The following SGTB variants were observed in gnomAD, a reference collection of about 807,000 sequenced individuals.
SGTB encodes the protein small glutamine-rich tetratricopeptide repeat-containing protein beta.
Under a neutral mutation model 43.9 loss-of-function variants are expected in SGTB, and 19 were observed. The observed-to-expected ratio is 0.43, with a 90% CI of 0.30 to 0.63. SGTB has a LOEUF of 0.63. SGTB is among the 30% of genes least tolerant of loss of function. The probability of loss-of-function intolerance (pLI) is 0.12; values close to 1 mark genes in which losing one functional copy is unlikely to be tolerated. For missense variants in SGTB, 304 were observed against 358.9 expected (o/e 0.85, Z 1.24); for synonymous variants, 116 against 117.3 (o/e 0.99, Z 0.07).
chr5:65,720,650 C>G, intron 2 of SGTB, 58 bp downstream of exon 2: 1 of 1,567,040 alleles, frequency 6.4e-7, no homozygotes, highest in Non-Finnish European at 8.6e-7. Flanking sequence ...GGGCTTACAG[C>G]TATTTTAGTC....
chr5:65,681,589 G>C (rs1365939688), intron 6 of SGTB, among the ~76,000 whole-genome samples: 1 of 151,988 alleles, frequency 6.6e-6, no homozygotes, highest in Non-Finnish European at 1.5e-5. Flanking sequence ...TACTTTATCA[G>C]AGTCCCCAGT....
intron 2 of SGTB, among the ~76,000 whole-genome samples, chr5:65,715,412 T>G (rs949103812): frequency 6.6e-6 from 1 of 152,246 alleles, no homozygotes; most frequent in Admixed American, 6.5e-5. Context: ...AGTTTTCACA[T>G]GCTATGTACC....
rs546653296 is a variant in SGTB, at chr5:65,696,950, G to A, written c.374+7329C>T. On this transcript the variant is annotated intron_variant, in intron 5 of 10. Transcript: ENST00000381007. Reference sequence around the variant, plus strand: ...TCAGTTCTATAAAAAGTAAACATTAGTTCATCCTAGTGAGTTGAGTATGTA... The same window carrying A: ...TCAGTTCTATAAAAAGTAAACATTAATTCATCCTAGTGAGTTGAGTATGTA... 3.4e-3 allele frequency among the ~76,000 whole-genome samples: 523 copies of A among 152,260 alleles called. 4 individuals are homozygous for A. The highest frequency in any genetic ancestry group is 0.012 in the African/African-American group (478 of 41,544).
chr5:65,713,843 C>G (rs986498580), intron 2 of SGTB, among the ~76,000 whole-genome samples: 1 of 151,986 alleles, frequency 6.6e-6, no homozygotes, highest in African/African-American at 2.4e-5. Flanking sequence ...GCCTGGGTAA[C>G]ATGGCGAAAC....
chr5:65,697,179 T>C lies in SGTB; in HGVS notation c.374+7100A>G, dbSNP rs557244568. On this transcript the variant is annotated intron_variant, in intron 5 of 10. Coordinates refer to ENST00000381007, the MANE Select transcript of SGTB (RefSeq NM_019072.3). ...TGATCCTAAAGCTTTGTTTAGTACTTATATTAAATGTATAAAGTTTTCTGA... is the reference window on the plus strand; with the variant it reads ...TGATCCTAAAGCTTTGTTTAGTACTCATATTAAATGTATAAAGTTTTCTGA... 8.5e-5 allele frequency among the ~76,000 whole-genome samples: 13 copies of C among 152,318 alleles called. No individual in the cohort carries two copies. In the South Asian group the frequency reaches 2.7e-3, roughly 32 times the overall value.
At chr5:65,709,199 T>A (rs963593547) in intron 3 of SGTB, among the ~76,000 whole-genome samples, 3 of 152,024 alleles carry the variant, frequency 2.0e-5, no homozygotes, top group African/African-American at 7.2e-5. Context: ...TTAGTGAAAA[T>A]TTTGGAACAA....
chr5:65,692,374 T>G (rs1269727794), intron 5 of SGTB, among the ~76,000 whole-genome samples: 1 of 152,190 alleles, frequency 6.6e-6, no homozygotes, highest in Non-Finnish European at 1.5e-5. Flanking sequence ...ACAATAGATC[T>G]GGTGGTCATC....
At chr5:65,701,892 C>T in intron 5 of SGTB, among the ~76,000 whole-genome samples, 2 of 152,168 alleles carry the variant, frequency 1.3e-5, no homozygotes, top group Admixed American at 1.3e-4. Flanking sequence ...GTCGGCGTCC[C>T]AAAGTGCTGG....
rs116014459 is a variant in SGTB, at chr5:65,672,573, T to C, written c.682-292A>G. 2.2e-3 allele frequency among the ~76,000 whole-genome samples: 329 copies of C among 152,140 alleles called. 3 individuals are homozygous for C. Among genetic ancestry groups the C allele is most frequent in the African/African-American group, 7.8e-3 (325 of 41,510 alleles). The stretch of plus-strand genomic sequence containing the variant: ...AGACCAATTAAGCCAAAAGGAAAAA[T>C]AGGAACTTTAAAAGTATGGTTAAGG... On this transcript the variant is annotated intron_variant, in intron 8 of 10. Coordinates refer to ENST00000381007, the MANE Select transcript of SGTB (RefSeq NM_019072.3).
chr5:65,684,813 A>G (rs926888199), intron 6 of SGTB, among the ~76,000 whole-genome samples: 3 of 152,184 alleles, frequency 2.0e-5, no homozygotes, highest in Non-Finnish European at 4.4e-5. Flanking sequence ...TTGGCCTTCC[A>G]AAGTGCTGGG....
Position 65,721,717 on chromosome 5 carries a change from A to T in SGTB, c.-23+200T>A, listed in dbSNP as rs372187245. On this transcript the variant is annotated intron_variant, in intron 1 of 10. Coordinates refer to ENST00000381007, the MANE Select transcript of SGTB (RefSeq NM_019072.3). The stretch of plus-strand genomic sequence containing the variant: ...GCCCCAGGGCAGAAGGTAAAAACAG[A>T]ATGGGGGGAAAAGGGGTGAGAAGAG... 3.0e-4 allele frequency among the ~76,000 whole-genome samples: 46 copies of T among 152,248 alleles called. 1 individual carries two copies. Among genetic ancestry groups the T allele is most frequent in the African/African-American group, 1.0e-3 (43 of 41,552 alleles).
intron 5 of SGTB, among the ~76,000 whole-genome samples, 165 bp from the exon 6 acceptor site, chr5:65,685,637 A>G (rs1757483408): frequency 6.6e-6 from 1 of 152,234 alleles, no homozygotes; most frequent in Admixed American, 6.5e-5. Flanking sequence ...AATGAAAAAA[A>G]AAAGCTCAGA....
chr5:65,676,447 G>A (rs1226742060), intron 8 of SGTB, among the ~76,000 whole-genome samples: 2 of 152,106 alleles, frequency 1.3e-5, no homozygotes, highest in African/African-American at 2.4e-5. Flanking sequence ...CAAGTACTTC[G>A]AGAGCTTCAA....
In SGTB at chr5:65,671,914, C is replaced by A; in HGVS notation, c.803+1G>T. 1 of 1,613,294 alleles carries A rather than the reference C, an allele frequency of 6.2e-7. No individual in the cohort carries two copies. Among genetic ancestry groups the A allele is most frequent in the Non-Finnish European group, 8.5e-7 (1 of 1,179,570 alleles). ...CTATTTCTGTTTTAAATAATACTTA[C>A]GCTTGGATGAGGCTTGACAGGTCAG... is the stretch of plus-strand genomic sequence containing the variant. On this transcript the variant is annotated splice_donor_variant, in intron 10 of 10. Transcript: ENST00000381007. LOFTEE classifies it high-confidence loss of function.
chr5:65,722,863 T>G (rs1758350111), upstream of SGTB: 1 of 157,840 alleles, frequency 6.3e-6, no homozygotes, highest in Non-Finnish European at 1.4e-5. Flanking sequence ...TGAAACCTCT[T>G]TGGTGGTGTT....
At chr5:65,700,245 GT>G (rs1285809377) in intron 5 of SGTB, among the ~76,000 whole-genome samples, 2 of 152,196 alleles carry the variant, frequency 1.3e-5, no homozygotes, top group Non-Finnish European at 2.9e-5. Context: ...ACTGGAACAA[GT>G]TTCAAGTGAA....
chr5:65,698,205 G>A (rs1212520356), intron 5 of SGTB, among the ~76,000 whole-genome samples: 1 of 152,112 alleles, frequency 6.6e-6, no homozygotes, highest in African/African-American at 2.4e-5. Flanking sequence ...AAAACTCCAT[G>A]AAAGTACAGT....
intron 2 of SGTB, among the ~76,000 whole-genome samples, chr5:65,716,425 T>C (rs1758151582): frequency 6.6e-6 from 1 of 152,206 alleles, no homozygotes; most frequent in African/African-American, 2.4e-5. Context: ...GGGGCAAGAA[T>C]AGAAGCAGAG....
chr5:65,698,162 G>T (rs377499494), intron 5 of SGTB, among the ~76,000 whole-genome samples: 1 of 152,236 alleles, frequency 6.6e-6, no homozygotes, highest in East Asian at 1.9e-4. Context: ...TATCTTGATA[G>T]AATTTTAGGT....
Sources: gnomAD v4.1 joint callset for allele counts (sites outside exome capture counted in the v4.1 genomes callset) on GRCh38, gnomAD v4.1.1 for gene constraint, MANE v1.5 for transcripts, NCBI Gene and HGNC (gene_info 2026-07-23, HGNC 2026-07-21) for gene names.